The following MAN1A1 variants were observed in gnomAD, a reference collection of about 807,000 sequenced individuals.
The protein encoded by MAN1A1 is mannosyl-oligosaccharide 1,2-alpha-mannosidase IA.
MAN1A1 carries 29 observed loss-of-function variants against 70.8 expected under a neutral mutation model. That is an observed-to-expected ratio of 0.41 (90% CI 0.31 to 0.56). The LOEUF is 0.56. Among genes scored for constraint, MAN1A1 ranks in the 20% least tolerant of loss-of-function variants. MAN1A1 has a pLI of 0.29. For missense variants in MAN1A1, 747 were observed against 841.3 expected (o/e 0.89, Z 1.39); for synonymous variants, 349 against 330.1 (o/e 1.06, Z -0.62).
intron 6 of MAN1A1, among the ~76,000 whole-genome samples, chr6:119,216,481 G>A (rs952725441): frequency 6.6e-6 from 1 of 152,182 alleles, no homozygotes; most frequent in African/African-American, 2.4e-5. Context: ...AGCTCTAGCA[G>A]CTGGGTAAGT....
intron 2 of MAN1A1, among the ~76,000 whole-genome samples, chr6:119,319,717 C>T (rs900296672): frequency 1.3e-5 from 2 of 152,180 alleles, no homozygotes; most frequent in Non-Finnish European, 2.9e-5. Flanking sequence ...ATTTACCCCA[C>T]AACCAAACCT....
At chr6:119,265,695 A>G (rs1775734359) in intron 5 of MAN1A1, among the ~76,000 whole-genome samples, 1 of 152,184 alleles carries the variant, frequency 6.6e-6, no homozygotes, top group Non-Finnish European at 1.5e-5. Context: ...GGTGAGAAAT[A>G]GAAGATTTCC....
chr6:119,314,859 G>C (rs1772808704), intron 2 of MAN1A1, among the ~76,000 whole-genome samples: 1 of 152,080 alleles, frequency 6.6e-6, no homozygotes, highest in Non-Finnish European at 1.5e-5. Flanking sequence ...CTCAGCTCCA[G>C]CTCTGTACCT....
intron 6 of MAN1A1, among the ~76,000 whole-genome samples, chr6:119,217,100 A>G (rs1245874266): frequency 1.3e-5 from 2 of 152,218 alleles, no homozygotes; most frequent in African/African-American, 2.4e-5. Context: ...TCCAAAGAGT[A>G]TGTCCTAATA....
At chr6:119,245,694 T>C (rs1048919768) in intron 6 of MAN1A1, among the ~76,000 whole-genome samples, 1 of 152,126 alleles carries the variant, frequency 6.6e-6, no homozygotes, top group Non-Finnish European at 1.5e-5. Flanking sequence ...GGATACAATA[T>C]ATAATTAAAA....
chr6:119,225,655 C>T (rs1307632458), intron 6 of MAN1A1, among the ~76,000 whole-genome samples: 1 of 152,108 alleles, frequency 6.6e-6, no homozygotes, highest in Non-Finnish European at 1.5e-5. Flanking sequence ...ATAAATAACA[C>T]ATTACATACA....
At chr6:119,302,564 TA>T (rs1772420019) in intron 3 of MAN1A1, among the ~76,000 whole-genome samples, 1 of 152,078 alleles carries the variant, frequency 6.6e-6, no homozygotes, top group Admixed American at 6.6e-5. Flanking sequence ...GTGTTTTTAG[TA>T]GAGACGGGGT....
chr6:119,321,963 G>A (rs117421504), intron 2 of MAN1A1, among the ~76,000 whole-genome samples: 4,255 of 152,196 alleles, frequency 0.028, 93 homozygotes, highest in Non-Finnish European at 0.045. Flanking sequence ...TCCAGGGGCC[G>A]CAGCCCTCCA....
At chr6:119,317,436 T>C (rs1772884464) in intron 2 of MAN1A1, among the ~76,000 whole-genome samples, 1 of 152,214 alleles carries the variant, frequency 6.6e-6, no homozygotes. Flanking sequence ...CTGCATAGTT[T>C]TGTTTCATCC....
chr6:119,307,314 CT>C (rs11325751), intron 2 of MAN1A1, among the ~76,000 whole-genome samples: 50,147 of 151,960 alleles, frequency 0.33, 8,726 homozygotes, highest in Non-Finnish European at 0.36. Flanking sequence ...TGAACCATGT[CT>C]ACATTTATCT....
chr6:119,304,658 CT>C (rs1772481301), intron 3 of MAN1A1, among the ~76,000 whole-genome samples: 1 of 152,084 alleles, frequency 6.6e-6, no homozygotes, highest in African/African-American at 2.4e-5. Flanking sequence ...AAGATGGATG[CT>C]TCAACATAGC....
At chr6:119,198,122 C>T (rs979862743) in intron 8 of MAN1A1, among the ~76,000 whole-genome samples, 20 of 152,240 alleles carry the variant, frequency 1.3e-4, no homozygotes, top group African/African-American at 4.8e-4. Context: ...AGGAGCGTGG[C>T]TCACGCCTGT....
intron 2 of MAN1A1, among the ~76,000 whole-genome samples, chr6:119,311,674 C>T (rs2114459119): frequency 6.6e-6 from 1 of 152,172 alleles, no homozygotes; most frequent in Non-Finnish European, 1.5e-5. Context: ...GGTCACCATG[C>T]AGAAGGGGAG....
Position 119,349,098 on chromosome 6 carries a change from C to T in MAN1A1, c.-33G>A. 1 of 1,265,232 alleles carries T rather than the reference C, an allele frequency of 7.9e-7. No homozygotes were observed. The highest frequency in any genetic ancestry group is 9.9e-7 in the Non-Finnish European group (1 of 1,005,824). The allele number at this position is 1,265,232 out of a possible 1,614,324, so 78.4% of individuals were successfully genotyped here. A position where few individuals can be genotyped will look rare whatever the true frequency, so the allele number is the denominator to read the frequency against. On this transcript the variant is annotated 5_prime_UTR_variant, in exon 2 of 13. Coordinates refer to ENST00000368468, the MANE Select transcript of MAN1A1 (RefSeq NM_005907.4). ...GCTGTCCAGTGGTCCGGCGCCGCGC[C>T]GCTCAGCAGCCAAACTTCGCCGCCG...
chr6:119,307,526 T>C (rs1772565667), intron 2 of MAN1A1, among the ~76,000 whole-genome samples: 1 of 152,176 alleles, frequency 6.6e-6, no homozygotes, highest in Admixed American at 6.5e-5. Context: ...AATAACACTG[T>C]GATTATGCCT....
At chr6:119,233,276 T>G (rs1257258605) in intron 6 of MAN1A1, among the ~76,000 whole-genome samples, 1 of 152,214 alleles carries the variant, frequency 6.6e-6, no homozygotes, top group Non-Finnish European at 1.5e-5. Flanking sequence ...CCTCTTTATC[T>G]AATCAATAAC....
At chr6:119,237,282 A>T (rs1430341097) in intron 6 of MAN1A1, among the ~76,000 whole-genome samples, 1 of 152,200 alleles carries the variant, frequency 6.6e-6, no homozygotes. Context: ...ACCGTGTGGA[A>T]AATGCCATAA....
intron 5 of MAN1A1, chr6:119,269,218 T>A (rs919233545): frequency 2.0e-5 from 5 of 255,046 alleles, no homozygotes; most frequent in African/African-American, 9.4e-5. Flanking sequence ...CATAGCCTCA[T>A]AAGCTGCTTT....
intron 6 of MAN1A1, among the ~76,000 whole-genome samples, chr6:119,227,796 T>C (rs1055751480): frequency 6.6e-6 from 1 of 152,194 alleles, no homozygotes; most frequent in African/African-American, 2.4e-5. Flanking sequence ...AATTGAGTGA[T>C]GCATATGTTA....
Sources: allele counts gnomAD v4.1 joint callset (sites outside exome capture counted in the v4.1 genomes callset), GRCh38; gene constraint gnomAD v4.1.1; transcripts MANE v1.5; gene names NCBI Gene and HGNC (gene_info 2026-07-23, HGNC 2026-07-21).